Variants in SSH2 observed in about 807,000 individuals in gnomAD.
The protein encoded by SSH2 is protein phosphatase Slingshot homolog 2.
In SSH2, 37 loss-of-function variants were observed where a neutral mutation model predicts 135.2. The observed-to-expected ratio is 0.27, with a 90% CI of 0.21 to 0.36. The LOEUF is 0.36. SSH2 is among the 10% of genes least tolerant of loss of function. The pLI is 1.00. For synonymous variants in SSH2, 628 were observed against 646.2 expected (o/e 0.97, Z 0.43); for missense variants, 1,408 against 1,765.3 (o/e 0.80, Z 3.63).
At chr17:29,817,306 T>A (rs1475775334) in intron 2 of SSH2, among the ~76,000 whole-genome samples, 2 of 152,228 alleles carry the variant, frequency 1.3e-5, no homozygotes, top group Non-Finnish European at 2.9e-5. Flanking sequence ...CCCTCCCATT[T>A]TACACAAGCC....
chr17:29,724,380 T>G (rs998140107), intron 3 of SSH2, among the ~76,000 whole-genome samples: 1 of 151,582 alleles, frequency 6.6e-6, no homozygotes, highest in African/African-American at 2.4e-5. Context: ...AATACAAAAT[T>G]AGCCGGGCGT....
chr17:29,738,771 G>A (rs1008160345), intron 3 of SSH2, among the ~76,000 whole-genome samples: 2 of 151,830 alleles, frequency 1.3e-5, no homozygotes, highest in African/African-American at 2.4e-5. Flanking sequence ...AGCCAGGATG[G>A]TCTCAATCTA....
chr17:29,659,828 A>G (rs189397675), intron 11 of SSH2, among the ~76,000 whole-genome samples: 1 of 151,212 alleles, frequency 6.6e-6, no homozygotes, highest in Admixed American at 6.6e-5. Flanking sequence ...GCGCCTGGCC[A>G]GACATTTTAT....
At chr17:29,662,951 T>C (rs1459551016) in intron 11 of SSH2, among the ~76,000 whole-genome samples, 1 of 152,242 alleles carries the variant, frequency 6.6e-6, no homozygotes, top group Non-Finnish European at 1.5e-5. Flanking sequence ...GCAAAGGGTC[T>C]CTATCAACAT....
chr17:29,798,813 A>G (rs1473716735), intron 2 of SSH2, among the ~76,000 whole-genome samples: 4 of 152,060 alleles, frequency 2.6e-5, no homozygotes, highest in African/African-American at 4.8e-5. Flanking sequence ...TGTGTCCACC[A>G]TGTTACTATT....
intron 1 of SSH2, among the ~76,000 whole-genome samples, chr17:29,890,284 T>C (rs1357890501): frequency 6.6e-6 from 1 of 152,152 alleles, no homozygotes; most frequent in Admixed American, 6.5e-5. Context: ...AGTTATCATA[T>C]GCTCTAGCAA....
At chr17:29,869,231 G>A (rs2065903017) in intron 1 of SSH2, among the ~76,000 whole-genome samples, 1 of 152,224 alleles carries the variant, frequency 6.6e-6, no homozygotes, top group Non-Finnish European at 1.5e-5. Context: ...GGTGTCATGA[G>A]AACCACTGGG....
At chr17:29,783,318 T>TATATA (rs1555633079) in intron 3 of SSH2, among the ~76,000 whole-genome samples, 1 of 142,126 alleles carries the variant, frequency 7.0e-6, no homozygotes, top group South Asian at 2.2e-4. Context: ...ATAACATATA[T>TATATA]TATATATATA....
chr17:29,671,973 C>T lies in SSH2; in HGVS notation c.771G>A (p.Gln257=), dbSNP rs144011077. ...VNEWNAMQDV[Q]SHRPDSPALF... is the part of the protein sequence containing the mutation. ...GAGCTGGAGAGTCGGGCCGGTGGGA[C>T]TGTACATCTTGCATTGCATTCCATT... The change falls in exon 9 of 16, where the codon CAG becomes CAA. Residue 257 remains glutamine (Q), a synonymous_variant. Transcript: ENST00000540801. 583 of 1,614,052 alleles carry T rather than the reference C, an allele frequency of 3.6e-4. 3 individuals are homozygous for T. In the Middle Eastern group the frequency reaches 7.4e-3, roughly 21 times the overall value.
At chr17:29,729,466 T>C (rs1339139267) in intron 3 of SSH2, among the ~76,000 whole-genome samples, 2 of 152,204 alleles carry the variant, frequency 1.3e-5, no homozygotes, top group African/African-American at 4.8e-5. Context: ...ACAACCACTA[T>C]GGAGAACAGT....
chr17:29,877,012 C>T (rs2066045935), intron 1 of SSH2, among the ~76,000 whole-genome samples: 1 of 151,936 alleles, frequency 6.6e-6, no homozygotes, highest in African/African-American at 2.4e-5. Context: ...GAGCTCCAAA[C>T]AACTCTATAG....
intron 6 of SSH2, 80 bp from the exon 7 acceptor site, chr17:29,677,821 C>A: frequency 1.9e-6 from 2 of 1,077,060 alleles, no homozygotes; most frequent in South Asian, 1.3e-5. Flanking sequence ...CTTTCAACAC[C>A]AAGGATAAAC....
intron 3 of SSH2, chr17:29,787,463 C>T (rs953902568): frequency 4.6e-5 from 7 of 152,024 alleles, no homozygotes; most frequent in African/African-American, 1.7e-4. Context: ...TAAGACCCTG[C>T]TTTCAATTCT....
intron 3 of SSH2, among the ~76,000 whole-genome samples, chr17:29,734,908 G>A (rs1033689019): frequency 1.3e-5 from 2 of 152,106 alleles, no homozygotes; most frequent in African/African-American, 4.8e-5. Context: ...AATCATGAGT[G>A]ATTGTTTAAA....
At chr17:29,647,261 C>CAA (rs1239244569) in intron 14 of SSH2, among the ~76,000 whole-genome samples, 1 of 104,988 alleles carries the variant, frequency 9.5e-6, no homozygotes, top group South Asian at 3.0e-4. Context: ...GACTCTGTCT[C>CAA]AAAAAAAAAA....
intron 11 of SSH2, among the ~76,000 whole-genome samples, chr17:29,659,319 CCAGCAA>C (rs2036923921): frequency 6.6e-6 from 1 of 152,172 alleles, no homozygotes; most frequent in Non-Finnish European, 1.5e-5. Context: ...TGTGGTCCCA[CCAGCAA>C]TGCATCAGAG....
intron 2 of SSH2, among the ~76,000 whole-genome samples, chr17:29,816,992 A>C (rs2042570103): frequency 6.6e-6 from 1 of 152,214 alleles, no homozygotes; most frequent in Non-Finnish European, 1.5e-5. Flanking sequence ...CCACCAGCTC[A>C]TGTATAATAA....
chr17:29,928,064 A>G (rs1334807144), intron 1 of SSH2, among the ~76,000 whole-genome samples: 1 of 152,236 alleles, frequency 6.6e-6, no homozygotes, highest in Non-Finnish European at 1.5e-5. Flanking sequence ...ATATATTATC[A>G]TAGCATAAGC....
rs1373242524 is a variant in SSH2 at position 29,835,659 on chromosome 17, C to CT, written c.144+13189dup. On this transcript the variant is annotated intron_variant, in intron 2 of 15. Coordinates refer to ENST00000540801, the MANE Select transcript of SSH2 (RefSeq NM_001282129.2). ...AGGGCACTTCCTCATGCAAATGCAC[C>CT]TAGTGCAGCTAGAGCAGATTTTCAG... 1.1e-4 allele frequency among the ~76,000 whole-genome samples: 17 copies of CT among 152,298 alleles called. No homozygotes were observed. In the East Asian group the frequency reaches 2.1e-3, roughly 19 times the overall value.
Sources: gnomAD v4.1 joint callset for allele counts (sites outside exome capture counted in the v4.1 genomes callset) on GRCh38, gnomAD v4.1.1 for gene constraint, MANE v1.5 for transcripts, NCBI Gene and HGNC (gene_info 2026-07-23, HGNC 2026-07-21) for gene names.